Variants in SAP130 observed in about 807,000 individuals in gnomAD.
The protein encoded by SAP130 is Sin3A associated protein 130.
In SAP130, 16 loss-of-function variants were observed where a neutral mutation model predicts 103.2. The observed-to-expected ratio is 0.16, with a 90% CI of 0.10 to 0.24. The LOEUF (loss-of-function observed/expected upper bound fraction) is 0.24, where lower values mean the gene tolerates loss of function less well. SAP130 is among the 10% of genes least tolerant of loss of function. The pLI, the probability that SAP130 is intolerant of heterozygous loss-of-function variation, is 1.00. For synonymous variants in SAP130, 477 were observed against 497.0 expected (o/e 0.96, Z 0.53); for missense variants, 990 against 1,359.7 (o/e 0.73, Z 4.28).
chr2:127,960,353 C>T (rs569691615), intron 15 of SAP130, among the ~76,000 whole-genome samples: 5 of 152,056 alleles, frequency 3.3e-5, no homozygotes, highest in East Asian at 3.9e-4. Context: ...AGACAGGCAC[C>T]GATACAGACT....
At chr2:128,019,165 A>G (rs1440052262) in intron 2 of SAP130, among the ~76,000 whole-genome samples, 2 of 152,178 alleles carry the variant, frequency 1.3e-5, no homozygotes, top group African/African-American at 4.8e-5. Context: ...TAATTTTTCA[A>G]AACTGAGGGA....
At chr2:128,009,634 A>G (rs1200246201) in intron 7 of SAP130, among the ~76,000 whole-genome samples, 1 of 152,158 alleles carries the variant, frequency 6.6e-6, no homozygotes, top group Admixed American at 6.5e-5. Context: ...GAAACTTCAG[A>G]TCATTGCATC....
chr2:127,944,640 A>G (rs1251022473), intron 19 of SAP130, among the ~76,000 whole-genome samples: 1 of 151,982 alleles, frequency 6.6e-6, no homozygotes, highest in African/African-American at 2.4e-5. Flanking sequence ...CATGTTGGCC[A>G]TGGTCTCGAA....
chr2:128,011,289 G>A (rs960661761), intron 6 of SAP130, among the ~76,000 whole-genome samples: 2 of 152,240 alleles, frequency 1.3e-5, no homozygotes, highest in Non-Finnish European at 2.9e-5. Flanking sequence ...CATGGACAGA[G>A]TGCCCTTATC....
chr2:127,985,717 C>G (rs1682330753), intron 14 of SAP130, among the ~76,000 whole-genome samples: 1 of 152,028 alleles, frequency 6.6e-6, no homozygotes, highest in African/African-American at 2.4e-5. Flanking sequence ...TAGGTGAGGA[C>G]AGGCATTTTT....
In SAP130 at chr2:127,986,067, C is replaced by T. The variant is rs1301999801; in HGVS notation, c.1958+718G>A. Among the ~76,000 whole-genome samples the T allele has an allele frequency of 1.3e-5, 2 of 152,208 alleles. No individual in the cohort carries two copies. The highest frequency in any genetic ancestry group is 2.4e-5 in the African/African-American group (1 of 41,460). ...GCTACTTCTACTCAGTAAAACCCTA[C>T]ACTCATTCTCCAAGCCCACGTGTGA... On this transcript the variant is annotated intron_variant, in intron 14 of 20. Transcript: ENST00000643581. This position sits in a 1 kb window ranked among gnomAD's most constrained non-coding sequence, Gnocchi z 4.7.
In SAP130 at chr2:127,978,068, G is replaced by C. The variant is rs1249062222; in HGVS notation, c.1980C>G (p.Leu660=). Residue 660 remains leucine, a synonymous_variant, in exon 15 of 21, where the codon CTC becomes CTG. Transcript: ENST00000643581. ...CAACATCAGGAGGCTGAGGAGGAAT[G>C]AGGGTTTTCCGAACTGCCATTCTGA... ...ATDGMAVRKT[L]IPPQPPDVAS... 2 of 1,551,784 alleles carry C rather than the reference G, an allele frequency of 1.3e-6. No individual in the cohort carries two copies. The highest frequency in any genetic ancestry group is 4.9e-5 in the East Asian group (2 of 40,922).
Position 127,955,382 on chromosome 2 carries a change from A to G in SAP130, c.2064-38T>C. ...AGAAAAGCACATGTAGCAAATAAGA[A>G]AAAAACTGCCTTCATCTACAACATC... On this transcript the variant is annotated intron_variant, in intron 15 of 20. Transcript: ENST00000643581. This position sits in a 1 kb window ranked among gnomAD's most constrained non-coding sequence, Gnocchi z 4.9. 7.1e-7 allele frequency: 1 copy of G among 1,411,994 alleles called. No individual in the cohort carries two copies. The highest frequency in any genetic ancestry group is 9.7e-7 in the Non-Finnish European group (1 of 1,035,760). The allele number at this position is 1,411,994 out of a possible 1,614,324, so 87.5% of individuals were successfully genotyped here.
chr2:128,019,655 G>T (rs1423102932), intron 2 of SAP130, among the ~76,000 whole-genome samples: 2 of 152,192 alleles, frequency 1.3e-5, no homozygotes, highest in Admixed American at 1.3e-4. Context: ...GGAGGCCAAG[G>T]TGGGGAGATC....
intron 7 of SAP130, among the ~76,000 whole-genome samples, chr2:128,002,268 G>A (rs985048552): frequency 9.9e-5 from 15 of 152,150 alleles, no homozygotes; most frequent in Non-Finnish European, 2.1e-4. Context: ...TTTAAAACAG[G>A]TGGTGGCTCA....
At chr2:127,998,851 T>C (rs1573785346) in intron 10 of SAP130, among the ~76,000 whole-genome samples, 1 of 152,208 alleles carries the variant, frequency 6.6e-6, no homozygotes. Context: ...GTGAGGCTCC[T>C]GACTTGATAA....
chr2:127,950,758 C>G (rs1679444455), intron 16 of SAP130, among the ~76,000 whole-genome samples: 1 of 152,146 alleles, frequency 6.6e-6, no homozygotes, highest in African/African-American at 2.4e-5. Flanking sequence ...AGAGAGAGAG[C>G]AGGTGTGATC....
intron 16 of SAP130, among the ~76,000 whole-genome samples, chr2:127,952,296 T>A (rs1573633868): frequency 6.6e-6 from 1 of 151,522 alleles, no homozygotes; most frequent in Non-Finnish European, 1.5e-5. Flanking sequence ...ACTAAAAATA[T>A]AAAAATTGGC....
chr2:128,018,483 C>CAAAAAAAAAAAAAAAAAAAAAAAAAAAAA (rs759445928), intron 2 of SAP130, among the ~76,000 whole-genome samples: 1 of 69,474 alleles, frequency 1.4e-5, no homozygotes, highest in African/African-American at 6.5e-5. Context: ...AGATTGTCTC[C>CAAAAAAAAAAAAAAAAAAAAAAAAAAAAA]AAAAAAAAAA....
At chr2:127,976,716 C>T (rs565959595) in intron 15 of SAP130, among the ~76,000 whole-genome samples, 1 of 152,198 alleles carries the variant, frequency 6.6e-6, no homozygotes, top group African/African-American at 2.4e-5. Flanking sequence ...TAGAGACCAT[C>T]CTGGCCAACA....
Position 127,942,075 on chromosome 2 carries a change from G to A in SAP130, c.3105C>T (p.Val1035=), listed in dbSNP as rs770450229. ...MLKVLDHKDR[V]LKLLNKNGTV... is the part of the protein sequence containing the mutation. ...TCCCGTTCTTGTTAAGCAGCTTCAG[G>A]ACACGGTCTTTATGATCTAAAACCT... Residue 1035 remains valine, a synonymous_variant, in exon 21 of 21, where the codon GTC becomes GTT. Transcript: ENST00000643581. The surrounding 1 kb of genome is among the most constrained non-coding windows in gnomAD (Gnocchi z 4.8). 2 of 1,610,460 alleles carry A rather than the reference G, an allele frequency of 1.2e-6. No individual in the cohort carries two copies. The highest frequency in any genetic ancestry group is 1.1e-5 in the South Asian group (1 of 90,156).
intron 7 of SAP130, among the ~76,000 whole-genome samples, chr2:128,005,434 T>A (rs140122218): frequency 6.6e-6 from 1 of 151,792 alleles, no homozygotes; most frequent in Non-Finnish European, 1.5e-5. Flanking sequence ...CTGGCCAACA[T>A]GGCAAACCCC....
intron 10 of SAP130, among the ~76,000 whole-genome samples, chr2:127,999,168 T>G (rs530969809): frequency 6.6e-6 from 1 of 152,300 alleles, no homozygotes; most frequent in Admixed American, 6.5e-5. Flanking sequence ...ACTTAAGGGC[T>G]GGTGTAGGCT....
intron 2 of SAP130, among the ~76,000 whole-genome samples, chr2:128,021,360 T>C (rs1573859125): frequency 6.6e-6 from 1 of 151,678 alleles, no homozygotes; most frequent in South Asian, 2.1e-4. Context: ...GGCAGCAGAA[T>C]TGCTTGAACC....
Sources: gnomAD v4.1 joint callset for allele counts (sites outside exome capture counted in the v4.1 genomes callset) on GRCh38, gnomAD v4.1.1 for gene constraint, Gnocchi (gnomAD v3.1) non-coding constraint, MANE v1.5 for transcripts, NCBI Gene and HGNC (gene_info 2026-07-23, HGNC 2026-07-21) for gene names.